MYO1H: variants seen among roughly 807,000 people sequenced by gnomAD.
The protein encoded by MYO1H is unconventional myosin-Ih.
MYO1H carries 118 observed loss-of-function variants against 149.3 expected under a neutral mutation model. That is an observed-to-expected ratio of 0.79 (90% confidence interval 0.68 to 0.92). MYO1H has a LOEUF of 0.92. Ranked by LOEUF, MYO1H falls within the 40% of genes least tolerant of loss-of-function variation. The pLI, the probability that MYO1H is intolerant of heterozygous loss-of-function variation, is 0.00. For missense variants in MYO1H, 1,212 were observed against 1,280.7 expected (o/e 0.95, Z 0.82); for synonymous variants, 447 against 465.2 (o/e 0.96, Z 0.50).
intron 19 of MYO1H, among the ~76,000 whole-genome samples, chr12:109,430,225 A>C (rs1300070349): frequency 6.6e-6 from 1 of 152,190 alleles, no homozygotes; most frequent in Non-Finnish European, 1.5e-5. Flanking sequence ...GCAGCTGGTC[A>C]GTGGCTGGGG....
chr12:109,330,554 A>G, the MYO1H span, among the ~76,000 whole-genome samples: 1 of 152,124 alleles, frequency 6.6e-6, no homozygotes, highest in Non-Finnish European at 1.5e-5. Flanking sequence ...CTTTGTTGCC[A>G]GGTCTATTCC....
intron 23 of MYO1H, 135 bp from the exon 24 acceptor site, chr12:109,439,496 T>C: frequency 3.7e-6 from 1 of 269,074 alleles, no homozygotes; most frequent in South Asian, 4.6e-5. Flanking sequence ...GTGGGGCAGA[T>C]TTGGCCTCTG....
At chr12:109,364,158 G>T (rs1242776832) in intron 1 of MYO1H, among the ~76,000 whole-genome samples, 1 of 118,484 alleles carries the variant, frequency 8.4e-6, no homozygotes, top group African/African-American at 3.2e-5. Flanking sequence ...GCAACAGAGA[G>T]AGACCATGTC....
At chr12:109,410,199 T>C (rs1311711795) in intron 12 of MYO1H, 131 bp downstream of exon 12, 18 of 475,370 alleles carry the variant, frequency 3.8e-5, no homozygotes, top group Non-Finnish European at 5.8e-5. Flanking sequence ...TGGAGTCCAG[T>C]GGCACAATCA....
upstream of MYO1H, among the ~76,000 whole-genome samples, chr12:109,345,353 G>C (rs2048099472): frequency 6.6e-6 from 1 of 152,166 alleles, no homozygotes; most frequent in Non-Finnish European, 1.5e-5. Context: ...CACATGAAAA[G>C]ATGCTTAGCA....
intron 1 of MYO1H, among the ~76,000 whole-genome samples, chr12:109,354,925 G>T (rs1484656617): frequency 2.6e-5 from 4 of 152,218 alleles, no homozygotes; most frequent in Non-Finnish European, 5.9e-5. Context: ...CCAGAAGGAA[G>T]AGAAGAGAAC....
At chr12:109,389,509 A>C (rs147677120) in intron 2 of MYO1H, among the ~76,000 whole-genome samples, 2 of 152,320 alleles carry the variant, frequency 1.3e-5, no homozygotes, top group Non-Finnish European at 2.9e-5. Context: ...AGAGATACCA[A>C]GCAGGCAAAA....
At chr12:109,425,398 C>G (rs1202256367) in intron 17 of MYO1H, among the ~76,000 whole-genome samples, 1 of 152,122 alleles carries the variant, frequency 6.6e-6, no homozygotes, top group African/African-American at 2.4e-5. Flanking sequence ...TATTCATGTT[C>G]CAAGTTTAGT....
the MYO1H span, among the ~76,000 whole-genome samples, chr12:109,312,370 G>A: frequency 1.3e-5 from 2 of 148,292 alleles, no homozygotes; most frequent in African/African-American, 5.1e-5. Context: ...CTGCCACCAC[G>A]CCCAGCTAAT....
chr12:109,444,135 C>T (rs1201776662), intron 28 of MYO1H, 78 bp from the exon 29 acceptor site: 51 of 1,096,234 alleles, frequency 4.7e-5, no homozygotes, highest in Non-Finnish European at 6.8e-5. Flanking sequence ...TTGGGCAGCC[C>T]CTGGGCGTAT....
intron 1 of MYO1H, 24 bp downstream of exon 1, chr12:109,347,996 G>C (rs78625589): frequency 2.3e-4 from 91 of 399,050 alleles, no homozygotes; most frequent in African/African-American, 1.6e-3. Flanking sequence ...AACACTAGAA[G>C]GTGGTTACAC....
At chr12:109,418,515 A>C (rs1871026102) in intron 15 of MYO1H, among the ~76,000 whole-genome samples, 1 of 150,794 alleles carries the variant, frequency 6.6e-6, no homozygotes, top group Admixed American at 6.6e-5. Flanking sequence ...ACGCCCAACT[A>C]ATTTTTGTAT....
intron 9 of MYO1H, 58 bp downstream of exon 9, chr12:109,406,918 G>GAT (rs1446037388): frequency 2.7e-6 from 4 of 1,496,378 alleles, no homozygotes; most frequent in Non-Finnish European, 3.7e-6. Flanking sequence ...TGCCTCCCTC[G>GAT]ATAACAGCAG....
intron 22 of MYO1H, among the ~76,000 whole-genome samples, chr12:109,437,493 G>A (rs1355514469): frequency 6.6e-6 from 1 of 152,130 alleles, no homozygotes; most frequent in African/African-American, 2.4e-5. Flanking sequence ...CAGCATTATA[G>A]GAAGTATTTT....
Position 109,398,107 on chromosome 12 carries a change from A to G in MYO1H, c.570+295A>G, listed in dbSNP as rs188713586. Among the ~76,000 whole-genome samples the G allele has an allele frequency of 1.8e-4, 27 of 152,374 alleles. No individual in the cohort carries two copies. In the East Asian group the frequency reaches 2.5e-3, roughly 14 times the overall value. On this transcript the variant is annotated intron_variant, in intron 5 of 31. Coordinates refer to ENST00000310903, the Ensembl canonical transcript of MYO1H. ...GTGGGGTGTAAAATATTGGAAAATT[A>G]TTGGAAAATAATGGGTTGTACCAGA...
At chr12:109,349,654 G>C in intron 1 of MYO1H, among the ~76,000 whole-genome samples, 1 of 100,816 alleles carries the variant, frequency 9.9e-6, no homozygotes, top group East Asian at 2.6e-4. Context: ...CTGAAACCCT[G>C]TCTCAAAAAA....
chr12:109,424,080 T>G (rs1342669951), intron 16 of MYO1H, among the ~76,000 whole-genome samples: 1 of 152,202 alleles, frequency 6.6e-6, no homozygotes, highest in East Asian at 1.9e-4. Context: ...TTCTTTTTAT[T>G]TCTCTTTGCA....
intron 16 of MYO1H, 48 bp from the exon 17 acceptor site, chr12:109,424,700 G>A: frequency 6.7e-7 from 1 of 1,496,866 alleles, no homozygotes; most frequent in East Asian, 2.3e-5. Context: ...CAGCCCTGTA[G>A]TGATTTCTGA....
chr12:109,421,292 C>T (rs954185686), intron 16 of MYO1H, among the ~76,000 whole-genome samples: 15 of 146,028 alleles, frequency 1.0e-4, no homozygotes, highest in Non-Finnish European at 2.3e-4. Flanking sequence ...AGATGGAGCT[C>T]TTATTCTCGT....
Sources: allele counts gnomAD v4.1 joint callset (sites outside exome capture counted in the v4.1 genomes callset), GRCh38; gene constraint gnomAD v4.1.1; transcripts MANE v1.5; gene names NCBI Gene and HGNC (gene_info 2026-07-23, HGNC 2026-07-21).